Variants in MACROD2 observed in about 807,000 individuals in gnomAD.
MACROD2 encodes mono-ADP ribosylhydrolase 2.
Under a neutral mutation model 70.4 loss-of-function variants are expected in MACROD2, and 36 were observed. The ratio of observed to expected loss-of-function variants is 0.51; its 90% CI spans 0.39 to 0.68. The LOEUF is 0.68. Ranked by LOEUF, MACROD2 falls within the 30% of genes least tolerant of loss-of-function variation. The pLI is 0.00. For missense variants in MACROD2, 496 were observed against 538.4 expected, an observed-to-expected ratio of 0.92 and a Z score of 0.78; for synonymous variants, 172 against 178.8, an observed-to-expected ratio of 0.96 and a Z score of 0.30.
intron 4 of MACROD2, among the ~76,000 whole-genome samples, chr20:14,634,103 G>T (rs1395365133): frequency 6.6e-6 from 1 of 152,146 alleles, no homozygotes; most frequent in East Asian, 1.9e-4. Flanking sequence ...CCCACAACCC[G>T]CCACACCCCC....
intron 5 of MACROD2, among the ~76,000 whole-genome samples, chr20:14,897,359 C>T (rs935350530): frequency 1.3e-5 from 2 of 151,952 alleles, no homozygotes; most frequent in African/African-American, 4.8e-5. Flanking sequence ...AATTTCCTGT[C>T]AATTAGTTCT....
intron 4 of MACROD2, among the ~76,000 whole-genome samples, chr20:14,546,801 A>G (rs1045177990): frequency 6.6e-6 from 1 of 152,190 alleles, no homozygotes; most frequent in Non-Finnish European, 1.5e-5. Flanking sequence ...TAATCATTAC[A>G]AATAATAGCC....
In MACROD2 at chr20:14,522,904, T is replaced by C. The variant is rs187184105; in HGVS notation, c.301+29396T>C. 6.1e-3 allele frequency among the ~76,000 whole-genome samples: 929 copies of C among 152,244 alleles called. 6 individuals carry two copies. Among genetic ancestry groups the C allele is most frequent in the African/African-American group, 0.014 (576 of 41,546 alleles). ...GATGTTTCCCTACCTCCTAGAGCAG[T>C]GTTTAGTAATCTGTAGGCACTCAGT... On this transcript the variant is annotated intron_variant, in intron 4 of 17. Transcript: ENST00000684519.
At chr20:14,741,107 T>C (rs996515298) in intron 5 of MACROD2, among the ~76,000 whole-genome samples, 1 of 152,210 alleles carries the variant, frequency 6.6e-6, no homozygotes, top group Non-Finnish European at 1.5e-5. Context: ...GTCATTTATA[T>C]ATTGTCATCA....
intron 3 of MACROD2, among the ~76,000 whole-genome samples, chr20:14,314,324 A>G (rs972176304): frequency 2.0e-5 from 3 of 152,318 alleles, no homozygotes; most frequent in Middle Eastern, 3.4e-3. Context: ...TGTAAAATCA[A>G]TTCAGAGTAC....
intron 8 of MACROD2, among the ~76,000 whole-genome samples, chr20:15,794,494 A>G (rs535134247): frequency 3.9e-4 from 59 of 152,308 alleles, no homozygotes; most frequent in African/African-American, 1.4e-3. Context: ...AGCTGTAGTC[A>G]GGTTCCCAAG....
chr20:15,625,393 A>G (rs905712391), intron 8 of MACROD2, among the ~76,000 whole-genome samples: 1 of 152,334 alleles, frequency 6.6e-6, no homozygotes, highest in South Asian at 2.1e-4. Flanking sequence ...GGGAATTAAG[A>G]AAAGAGGAAG....
chr20:15,585,945 G>GGAT (rs2048594214), intron 8 of MACROD2, among the ~76,000 whole-genome samples: 1 of 152,060 alleles, frequency 6.6e-6, no homozygotes, highest in Non-Finnish European at 1.5e-5. Context: ...TGAGAATTTA[G>GGAT]GATTATGCAT....
At position 14,291,419 on chromosome 20, in the gene MACROD2, C is replaced by T. The variant is rs138517354; in HGVS notation, c.272-202060C>T. On this transcript the variant is annotated intron_variant, in intron 3 of 17. Coordinates refer to ENST00000684519, the MANE Select transcript of MACROD2 (RefSeq NM_001351661.2). Reference sequence around the variant, plus strand: ...ATTTGGACACAGGTAAAAGATGTTCCAGACAGAAGATACAGTGTTAACAAA... The same window carrying T: ...ATTTGGACACAGGTAAAAGATGTTCTAGACAGAAGATACAGTGTTAACAAA... Among the ~76,000 whole-genome samples the T allele has an allele frequency of 6.5e-3, 963 of 149,288 alleles. 29 individuals carry two copies. Among genetic ancestry groups the T allele is most frequent in the Middle Eastern group, 0.034 (10 of 294 alleles).
chr20:14,728,039 A>T (rs1218297751), intron 5 of MACROD2, among the ~76,000 whole-genome samples: 1 of 152,192 alleles, frequency 6.6e-6, no homozygotes, highest in Non-Finnish European at 1.5e-5. Flanking sequence ...CTAGAGCCAC[A>T]GAGAAAAATT....
At chr20:14,291,878 G>T (rs772910210) in intron 3 of MACROD2, among the ~76,000 whole-genome samples, 163 of 151,890 alleles carry the variant, frequency 1.1e-3, no homozygotes, top group Non-Finnish European at 2.2e-3. Flanking sequence ...CCTAGAAATA[G>T]ACCCTAAAAT....
At chr20:15,415,127 G>A (rs944474033) in intron 6 of MACROD2, among the ~76,000 whole-genome samples, 10 of 152,152 alleles carry the variant, frequency 6.6e-5, no homozygotes, top group African/African-American at 2.4e-4. Context: ...TTAGATATGT[G>A]TTCTTCTAGA....
intron 15 of MACROD2, among the ~76,000 whole-genome samples, chr20:16,014,009 T>C (rs534483851): frequency 1.3e-5 from 2 of 152,370 alleles, no homozygotes; most frequent in Non-Finnish European, 2.9e-5. Context: ...ATTTAACTTC[T>C]GTAGGATCGG....
chr20:15,559,245 A>G (rs2048210040), intron 8 of MACROD2, among the ~76,000 whole-genome samples: 1 of 151,324 alleles, frequency 6.6e-6, no homozygotes, highest in Non-Finnish European at 1.5e-5. Context: ...AAAAAAAAAA[A>G]AAAAAAAGAT....
intron 6 of MACROD2, among the ~76,000 whole-genome samples, chr20:15,323,268 T>C (rs745750136): frequency 2.0e-5 from 3 of 152,164 alleles, no homozygotes; most frequent in Non-Finnish European, 1.5e-5. Flanking sequence ...GACAGGACCA[T>C]TGGCTTGCAA....
intron 2 of MACROD2, among the ~76,000 whole-genome samples, chr20:14,009,857 ACT>A (rs572834934): frequency 1.3e-5 from 2 of 152,062 alleles, no homozygotes; most frequent in Non-Finnish European, 2.9e-5. Flanking sequence ...TGCTCGACAA[ACT>A]CTAACGCAGT....
chr20:15,769,137 G>A (rs1183567740), intron 8 of MACROD2, among the ~76,000 whole-genome samples: 13 of 152,100 alleles, frequency 8.5e-5, no homozygotes, highest in Admixed American at 8.5e-4. Flanking sequence ...ATGGTGTTTT[G>A]TTTTGTTTTG....
chr20:14,238,740 G>A (rs1195333796), intron 3 of MACROD2, among the ~76,000 whole-genome samples: 1 of 152,096 alleles, frequency 6.6e-6, no homozygotes, highest in Non-Finnish European at 1.5e-5. Flanking sequence ...AAAATCAGCA[G>A]CCTTCTGACC....
intron 4 of MACROD2, among the ~76,000 whole-genome samples, chr20:14,503,906 A>G (rs1481587724): frequency 6.6e-6 from 1 of 152,234 alleles, no homozygotes; most frequent in African/African-American, 2.4e-5. Flanking sequence ...GATTTTGTTA[A>G]ACAAGGAATA....
Sources: allele counts gnomAD v4.1 joint callset (sites outside exome capture counted in the v4.1 genomes callset), GRCh38; gene constraint gnomAD v4.1.1; transcripts MANE v1.5; gene names NCBI Gene and HGNC (gene_info 2026-07-23, HGNC 2026-07-21).